Variants in PIP5K1B observed in about 807,000 individuals in gnomAD.
The protein encoded by PIP5K1B is phosphatidylinositol 4-phosphate 5-kinase type-1 beta.
PIP5K1B carries 42 observed loss-of-function variants against 67.0 expected under a neutral mutation model. The observed-to-expected ratio is 0.63, with a 90% CI of 0.49 to 0.81. The LOEUF (loss-of-function observed/expected upper bound fraction) is 0.81. Among genes scored for constraint, PIP5K1B ranks in the 30% least tolerant of loss-of-function variants. The probability of loss-of-function intolerance (pLI) is 0.00; values close to 1 mark genes in which losing one functional copy is unlikely to be tolerated. For missense variants in PIP5K1B, 459 were observed against 646.3 expected (o/e 0.71, Z 3.14); for synonymous variants, 214 against 231.4 (o/e 0.92, Z 0.68).
chr9:68,762,280 A>G (rs1830220489), intron 2 of PIP5K1B, among the ~76,000 whole-genome samples: 1 of 48,274 alleles, frequency 2.1e-5, no homozygotes, highest in South Asian at 1.1e-3. Context: ...AATGTTTGCC[A>G]AAGTTCATTG....
At chr9:68,739,741 C>G (rs924454855) in intron 1 of PIP5K1B, 1 of 152,270 alleles carries the variant, frequency 6.6e-6, no homozygotes, top group Admixed American at 6.5e-5. Context: ...CAGGCACTCT[C>G]TGCTCTGCTG....
chr9:68,905,804 T>A (rs1398870673), intron 8 of PIP5K1B, among the ~76,000 whole-genome samples: 2 of 152,176 alleles, frequency 1.3e-5, no homozygotes, highest in Admixed American at 1.3e-4. Flanking sequence ...GCCTGCACGA[T>A]TACCTTGTGA....
intron 14 of PIP5K1B, 26 bp from the exon 15 acceptor site, chr9:68,991,114 C>A: frequency 1.5e-6 from 2 of 1,306,050 alleles, no homozygotes; most frequent in Non-Finnish European, 2.2e-6. Flanking sequence ...GGGCCTCATG[C>A]CCATCATTCA....
At chr9:68,711,874 A>G (rs571084377) in intron 1 of PIP5K1B, among the ~76,000 whole-genome samples, 96 of 152,314 alleles carry the variant, frequency 6.3e-4, no homozygotes, top group African/African-American at 2.2e-3. Context: ...GGGTACAGAG[A>G]CAAGAATGGA....
chr9:68,724,724 T>TCC (rs1828071438), intron 1 of PIP5K1B, among the ~76,000 whole-genome samples: 1 of 152,172 alleles, frequency 6.6e-6, no homozygotes, highest in Non-Finnish European at 1.5e-5. Flanking sequence ...CTTTTTCGAT[T>TCC]TGATCACTGT....
At chr9:68,933,172 A>C (rs1016133542) in intron 12 of PIP5K1B, among the ~76,000 whole-genome samples, 7 of 152,142 alleles carry the variant, frequency 4.6e-5, no homozygotes, top group Admixed American at 2.0e-4. Context: ...GAAGGTCTAT[A>C]AAAGTTAGCA....
chr9:68,779,921 A>C (rs780892113), intron 2 of PIP5K1B: 1 of 460,938 alleles, frequency 2.2e-6, no homozygotes, highest in East Asian at 3.4e-5. Context: ...CCGAAGGAAT[A>C]TACGGACTAG....
At chr9:68,864,094 G>C in intron 5 of PIP5K1B, 127 bp downstream of exon 5, 7 of 790,718 alleles carry the variant, frequency 8.9e-6, no homozygotes, top group South Asian at 2.0e-5. Context: ...GCCTTTGGCA[G>C]GGCCAAAGGC....
At chr9:68,857,336 C>A (rs1479269296) in intron 4 of PIP5K1B, among the ~76,000 whole-genome samples, 1 of 152,222 alleles carries the variant, frequency 6.6e-6, no homozygotes, top group East Asian at 1.9e-4. Context: ...GGTGGTCCCA[C>A]TTCCTCTCAG....
chr9:68,968,503 C>CAA (rs35997709), intron 14 of PIP5K1B, among the ~76,000 whole-genome samples: 2,182 of 131,756 alleles, frequency 0.017, 20 homozygotes, highest in Middle Eastern at 0.031. Context: ...GACTCTGTCT[C>CAA]AAAAAAAAAA....
chr9:68,881,007 A>G (rs113265736), intron 6 of PIP5K1B, among the ~76,000 whole-genome samples: 2,328 of 152,274 alleles, frequency 0.015, 58 homozygotes, highest in African/African-American at 0.051. Context: ...AGGTATAATA[A>G]CCTTCAGCGA....
intron 2 of PIP5K1B, among the ~76,000 whole-genome samples, chr9:68,812,905 A>T (rs1216754896): frequency 6.6e-6 from 1 of 152,240 alleles, no homozygotes; most frequent in Non-Finnish European, 1.5e-5. Context: ...CACATCTATC[A>T]TTATGGAATT....
At chr9:68,977,238 TG>T (rs1829671612) in intron 14 of PIP5K1B, among the ~76,000 whole-genome samples, 1 of 152,228 alleles carries the variant, frequency 6.6e-6, no homozygotes, top group Admixed American at 6.5e-5. Context: ...ATTACTTTGA[TG>T]GGCCTAGCAT....
intron 4 of PIP5K1B, among the ~76,000 whole-genome samples, chr9:68,858,244 G>A (rs1448631626): frequency 1.3e-5 from 2 of 152,090 alleles, no homozygotes; most frequent in Admixed American, 6.6e-5. Context: ...AAAGTGCTGG[G>A]ATTACAGGCG....
At chr9:68,920,249 CAT>C (rs1564234316) in intron 11 of PIP5K1B, among the ~76,000 whole-genome samples, 2 of 151,580 alleles carry the variant, frequency 1.3e-5, no homozygotes, top group South Asian at 2.1e-4. Context: ...CAAAAAAATG[CAT>C]TTCAGTGTTC....
At chr9:68,968,218 T>C (rs1829141367) in intron 14 of PIP5K1B, among the ~76,000 whole-genome samples, 1 of 152,174 alleles carries the variant, frequency 6.6e-6, no homozygotes, top group Admixed American at 6.5e-5. Context: ...TCAAACTAGC[T>C]ATTTAAGGAC....
chr9:68,839,593 T>C (rs540225902), intron 4 of PIP5K1B, among the ~76,000 whole-genome samples: 1 of 152,330 alleles, frequency 6.6e-6, no homozygotes, highest in African/African-American at 2.4e-5. Context: ...TTCTCCCCCT[T>C]TTCTATGTTC....
rs962773064 is a variant in PIP5K1B, at chr9:68,705,620, G to GCCCTCCCGCCCCTCCCGCCCCTCCCGC, written c.-379_-353dup. 4 of 12,714 alleles carry GCCCTCCCGCCCCTCCCGCCCCTCCCGC rather than the reference G, an allele frequency of 3.1e-4. No individual in the cohort carries two copies. Among genetic ancestry groups the GCCCTCCCGCCCCTCCCGCCCCTCCCGC allele is most frequent in the South Asian group, 1.6e-3 (1 of 624 alleles). The allele number at this position is 12,714 out of a possible 1,614,324, so 0.8% of individuals were successfully genotyped here. Reference sequence around the variant, plus strand: ...CCCGGCCCCGCCCGCCGCCCCCTCCGCCCTCCCGCCCCTCCCGCCCCTCCC... The same window carrying GCCCTCCCGCCCCTCCCGCCCCTCCCGC: ...CCCGGCCCCGCCCGCCGCCCCCTCCGCCCTCCCGCCCCTCCCGCCCCTCCCGCCCCTCCCGCCCCTCCCGCCCCTCCC... On this transcript the variant is annotated 5_prime_UTR_variant, in exon 1 of 16. Transcript: ENST00000265382.
At chr9:68,908,437 GAA>G (rs796132773) in intron 8 of PIP5K1B, among the ~76,000 whole-genome samples, 1 of 137,338 alleles carries the variant, frequency 7.3e-6, no homozygotes. Context: ...TTTAAGTGTG[GAA>G]AAAAAAAAAG....
Sources: allele counts gnomAD v4.1 joint callset (sites outside exome capture counted in the v4.1 genomes callset), GRCh38; gene constraint gnomAD v4.1.1; transcripts MANE v1.5; gene names NCBI Gene and HGNC (gene_info 2026-07-23, HGNC 2026-07-21).